Variants in PRKN observed in about 807,000 individuals in gnomAD.
PRKN encodes the protein E3 ubiquitin-protein ligase parkin.
A neutral mutation model predicts 59.5 loss-of-function variants in PRKN; 56 were observed. That is an observed-to-expected ratio of 0.94 (90% confidence interval 0.76 to 1.18). PRKN has a LOEUF of 1.18. Ranked by LOEUF, PRKN falls within the 50% of genes most tolerant of loss-of-function variation. The pLI, the probability that PRKN is intolerant of heterozygous loss-of-function variation, is 0.00. For synonymous variants in PRKN, 250 were observed against 222.1 expected, an observed-to-expected ratio of 1.13 and a Z score of -1.12; for missense variants, 657 against 596.4, an observed-to-expected ratio of 1.10 and a Z score of -1.06.
chr6:161,482,076 A>G (rs979513931), intron 9 of PRKN, among the ~76,000 whole-genome samples: 1 of 152,176 alleles, frequency 6.6e-6, no homozygotes, highest in Non-Finnish European at 1.5e-5. Flanking sequence ...ACTTAAAATG[A>G]AAAATGTAGG....
intron 2 of PRKN, among the ~76,000 whole-genome samples, chr6:162,371,504 A>G (rs962132745): frequency 1.3e-5 from 2 of 152,160 alleles, no homozygotes; most frequent in African/African-American, 4.8e-5. Context: ...GACCCTAAAT[A>G]CAAGTTATTT....
In PRKN at chr6:161,417,306, CG is replaced by C. The variant is rs1787896294; in HGVS notation, c.1084-30430del. Among the ~76,000 whole-genome samples, 2 of 151,960 alleles carry C rather than the reference CG, an allele frequency of 1.3e-5. No homozygotes were observed. Among genetic ancestry groups the C allele is most frequent in the Admixed American group, 1.3e-4 (2 of 15,270 alleles). On this transcript the variant is annotated intron_variant, in intron 9 of 11. Coordinates refer to ENST00000366898, the MANE Select transcript of PRKN (RefSeq NM_004562.3). The surrounding 1 kb of genome is among the most constrained non-coding windows in gnomAD (Gnocchi z 5.4). ...CTCTACTAAAAATACAAAAATTAGC[CG>C]GGTGTGGTGGCGCCTGCCTGTAGTC...
chr6:162,614,936 T>C (rs969747947), intron 1 of PRKN, among the ~76,000 whole-genome samples: 3 of 152,194 alleles, frequency 2.0e-5, no homozygotes, highest in Non-Finnish European at 2.9e-5. Context: ...GCATTGAGAA[T>C]AGAACACACA....
chr6:161,489,715 T>G (rs1777478480), intron 9 of PRKN, among the ~76,000 whole-genome samples: 1 of 152,190 alleles, frequency 6.6e-6, no homozygotes, highest in Admixed American at 6.5e-5. Context: ...AGATTGTCAT[T>G]ACTACAACAC....
At chr6:161,570,478 G>T (rs1396649269) in intron 7 of PRKN, among the ~76,000 whole-genome samples, 2 of 151,278 alleles carry the variant, frequency 1.3e-5, no homozygotes, top group Non-Finnish European at 2.9e-5. Flanking sequence ...TGCTACCCCT[G>T]AGACAGCAGG....
chr6:161,633,544 C>T (rs147188120), intron 7 of PRKN, among the ~76,000 whole-genome samples: 93 of 152,262 alleles, frequency 6.1e-4, no homozygotes, highest in East Asian at 5.4e-3. Context: ...AAGAATATCA[C>T]GAGGATTTTG....
rs533951521 is a variant in PRKN at position 162,163,502 on chromosome 6, C to G, written c.534+37629G>C. Among the ~76,000 whole-genome samples, 40 of 149,052 alleles carry G rather than the reference C, an allele frequency of 2.7e-4. 1 individual carries two copies. The South Asian group carries it at 8.0e-3, about 30-fold the overall frequency. ...ATAATGTGTGCTCTGGCTTGTAGCC[C>G]GAGGAGAACAGAAACAGGGGAAAAA... On this transcript the variant is annotated intron_variant, in intron 4 of 11. Transcript: ENST00000366898.
At chr6:161,935,554 CAAAA>C (rs773798640) in intron 6 of PRKN, among the ~76,000 whole-genome samples, 2 of 82,604 alleles carry the variant, frequency 2.4e-5, no homozygotes, top group African/African-American at 4.6e-5. Flanking sequence ...ACCTTGTTTC[CAAAA>C]AAAAAAAAAA....
intron 7 of PRKN, among the ~76,000 whole-genome samples, chr6:161,623,181 G>A (rs1782969128): frequency 6.6e-6 from 1 of 152,184 alleles, no homozygotes; most frequent in South Asian, 2.1e-4. Context: ...GAGGGCACCT[G>A]CCAAGACCCT....
chr6:162,522,599 T>C (rs1255161632), intron 1 of PRKN, among the ~76,000 whole-genome samples: 2 of 152,234 alleles, frequency 1.3e-5, no homozygotes, highest in Non-Finnish European at 2.9e-5. Context: ...ATTTGCTACG[T>C]AGGCTGCTGG....
intron 10 of PRKN, among the ~76,000 whole-genome samples, chr6:161,382,295 C>T (rs963892036): frequency 3.3e-5 from 5 of 151,956 alleles, no homozygotes; most frequent in Non-Finnish European, 5.9e-5. Context: ...GAGGAGGTAA[C>T]ATGATCTGGG....
At chr6:161,649,153 C>T (rs914675053) in intron 7 of PRKN, among the ~76,000 whole-genome samples, 2 of 152,160 alleles carry the variant, frequency 1.3e-5, no homozygotes, top group Admixed American at 6.5e-5. Flanking sequence ...GACAGTGAGA[C>T]AATTCTTCTC....
At chr6:161,965,750 T>G (rs910340924) in intron 6 of PRKN, among the ~76,000 whole-genome samples, 17 of 152,142 alleles carry the variant, frequency 1.1e-4, no homozygotes, top group African/African-American at 4.1e-4. Context: ...TTCCAGCCTA[T>G]AGGTAAATTT....
rs1275402323 is a variant in PRKN, at chr6:161,529,721, TC to T, written c.1083+19132del. Reference sequence around the variant, plus strand: ...ATAAGACACAAAAATAGTTTTGAAATCAAAAAAGATTTATAAACATTATTGG... The same window carrying T: ...ATAAGACACAAAAATAGTTTTGAAATAAAAAAGATTTATAAACATTATTGG... On this transcript the variant is annotated intron_variant, in intron 9 of 11. Transcript: ENST00000366898. The surrounding 1 kb of genome is among the most constrained non-coding windows in gnomAD (Gnocchi z 4.4). Among the ~76,000 whole-genome samples, 1 of 151,988 alleles carries T rather than the reference TC, an allele frequency of 6.6e-6. No individual in the cohort carries two copies. Among genetic ancestry groups the T allele is most frequent in the Non-Finnish European group, 1.5e-5 (1 of 68,020 alleles).
intron 11 of PRKN, among the ~76,000 whole-genome samples, chr6:161,350,672 TA>T (rs1218037399): frequency 4.0e-5 from 3 of 74,818 alleles, no homozygotes; most frequent in Non-Finnish European, 6.5e-5. Flanking sequence ...TATTTATATT[TA>T]AAATATATAT....
rs1386580592 is a variant in PRKN at position 162,393,178 on chromosome 6, G to C, written c.171+50132C>G. On this transcript the variant is annotated intron_variant, in intron 2 of 11. Transcript: ENST00000366898. ...TTCTTTTTTTTTTTTTTTTTTTTTT[G>C]AGACAGAGTCTCGCTCTGTTGCCCA... Among the ~76,000 whole-genome samples the C allele has an allele frequency of 1.3e-4, 3 of 22,478 alleles. No homozygotes were observed. The Admixed American group carries it at 1.7e-3, about 13-fold the overall frequency. 14.7% of individuals were successfully genotyped at this position (22,478 alleles called of 152,430 possible). A position where few individuals can be genotyped will look rare whatever the true frequency, so the allele number is the denominator to read the frequency against.
intron 7 of PRKN, among the ~76,000 whole-genome samples, chr6:161,699,225 G>C (rs886978758): frequency 6.6e-6 from 1 of 152,118 alleles, no homozygotes; most frequent in African/African-American, 2.4e-5. Context: ...CAAGTGTTGA[G>C]AATGAGGTGG....
At chr6:162,581,437 G>A (rs2128211366) in intron 1 of PRKN, among the ~76,000 whole-genome samples, 1 of 152,308 alleles carries the variant, frequency 6.6e-6, no homozygotes, top group East Asian at 1.9e-4. Context: ...CTTACATAAA[G>A]AATTTGTAGA....
chr6:161,821,921 G>T (rs868802684), intron 6 of PRKN, among the ~76,000 whole-genome samples: 3 of 151,652 alleles, frequency 2.0e-5, no homozygotes, highest in African/African-American at 7.3e-5. Flanking sequence ...GCTGATTTTT[G>T]TATTTTTAGT....
Sources: allele counts gnomAD v4.1 joint callset (sites outside exome capture counted in the v4.1 genomes callset), GRCh38; gene constraint gnomAD v4.1.1; non-coding constraint Gnocchi (gnomAD v3.1); transcripts MANE v1.5; gene names NCBI Gene and HGNC (gene_info 2026-07-23, HGNC 2026-07-21).